Variants in NUP37 observed in about 807,000 individuals in gnomAD.
NUP37 encodes the protein nucleoporin Nup37.
Under a neutral mutation model 45.4 loss-of-function variants are expected in NUP37, and 33 were observed. That is an observed-to-expected ratio of 0.73 (90% CI 0.55 to 0.97). The LOEUF is 0.97. NUP37 is among the 50% of genes least tolerant of loss of function. NUP37 has a pLI of 0.00. For synonymous variants in NUP37, 127 were observed against 130.7 expected, an observed-to-expected ratio of 0.97 and a Z score of 0.19; for missense variants, 365 against 389.7, an observed-to-expected ratio of 0.94 and a Z score of 0.53.
Position 102,100,934 on chromosome 12 carries a change from T to C in NUP37, c.354+98A>G, listed in dbSNP as rs933885131. 1.3e-5 allele frequency: 9 copies of C among 693,838 alleles called. No individual in the cohort carries two copies. The African/African-American group carries it at 1.7e-4, about 13-fold the overall frequency. 43.0% of individuals were successfully genotyped at this position (693,838 alleles called of 1,614,324 possible). A position where few individuals can be genotyped will look rare whatever the true frequency, so the allele number is the denominator to read the frequency against. Reference sequence around the variant, plus strand: ...AAATTATATACTTTAATGATGACCATAAAAAGCCATTTTAAATTGGAATAA... The same window carrying C: ...AAATTATATACTTTAATGATGACCACAAAAAGCCATTTTAAATTGGAATAA... On this transcript the variant is annotated intron_variant, in intron 4 of 9. Coordinates refer to ENST00000552283, the MANE Select transcript of NUP37 (RefSeq NM_024057.4).
At chr12:102,089,514 TCA>T (rs1313340154) in intron 5 of NUP37, among the ~76,000 whole-genome samples, 1 of 135,740 alleles carries the variant, frequency 7.4e-6, no homozygotes. Flanking sequence ...GAGACGCTCC[TCA>T]CCTCCCAGAC....
At chr12:102,087,299 T>C (rs755228051) in intron 5 of NUP37, among the ~76,000 whole-genome samples, 16 of 152,240 alleles carry the variant, frequency 1.1e-4, no homozygotes, top group Admixed American at 2.6e-4. Flanking sequence ...ACAATGCTAC[T>C]ATTCTGTGCC....
chr12:102,074,241 C>T lies in NUP37; in HGVS notation c.*113G>A. On this transcript the variant is annotated 3_prime_UTR_variant, in exon 10 of 10. Transcript: ENST00000552283. ...TTAATAAAAGCAACTGAGACATTTT[C>T]TAAAGTATACGGTATATTTGATATA... is the stretch of plus-strand genomic sequence containing the variant. 1 of 530,578 alleles carries T rather than the reference C, an allele frequency of 1.9e-6. No homozygotes were observed. The highest frequency in any genetic ancestry group is 3.5e-5 in the South Asian group (1 of 28,818). 32.9% of individuals were successfully genotyped at this position (530,578 alleles called of 1,614,324 possible).
At chr12:102,093,292 T>C (rs1289498587) in intron 5 of NUP37, among the ~76,000 whole-genome samples, 1 of 152,130 alleles carries the variant, frequency 6.6e-6, no homozygotes, top group African/African-American at 2.4e-5. Flanking sequence ...ATTTGTATGC[T>C]GTTGCTTCAT....
Position 102,085,809 on chromosome 12 carries a change from GAATGAAGAACAA to G in NUP37, c.485_496del (p.Phe162_His165del), listed in dbSNP as rs1279428171. On this transcript the variant is annotated inframe_deletion, in exon 6 of 10. Transcript: ENST00000552283. ...ATGCCAGCACACACTCATGCCAGGA[GAATGAAGAACAA>G]AATGAGCTGTTTGCACTCCTTCCAA... 2 of 1,602,368 alleles carry G rather than the reference GAATGAAGAACAA, an allele frequency of 1.2e-6. No individual in the cohort carries two copies. Among genetic ancestry groups the G allele is most frequent in the Non-Finnish European group, 1.7e-6 (2 of 1,170,724 alleles).
At chr12:102,109,834 A>C (rs558374709) in intron 3 of NUP37, among the ~76,000 whole-genome samples, 5 of 152,352 alleles carry the variant, frequency 3.3e-5, no homozygotes, top group African/African-American at 1.2e-4. Flanking sequence ...ATGTAGATTA[A>C]AGAGGTATCA....
At chr12:102,095,189 AAAT>A (rs1304492719) in intron 5 of NUP37, among the ~76,000 whole-genome samples, 2 of 152,102 alleles carry the variant, frequency 1.3e-5, no homozygotes, top group East Asian at 1.9e-4. Flanking sequence ...GAGTTTTAAA[AAAT>A]AATAAGCTTA....
At chr12:102,092,429 G>C (rs1879682239) in intron 5 of NUP37, among the ~76,000 whole-genome samples, 1 of 152,132 alleles carries the variant, frequency 6.6e-6, no homozygotes, top group Non-Finnish European at 1.5e-5. Flanking sequence ...CAATGTCACT[G>C]GTACAGGAAA....
intron 5 of NUP37, among the ~76,000 whole-genome samples, chr12:102,091,171 C>T (rs954863587): frequency 3.3e-5 from 5 of 151,698 alleles, no homozygotes; most frequent in African/African-American, 7.3e-5. Flanking sequence ...CTGAGGCAGG[C>T]GGATCACCTG....
chr12:102,101,907 T>G (rs1310304240), intron 3 of NUP37, among the ~76,000 whole-genome samples: 1 of 152,042 alleles, frequency 6.6e-6, no homozygotes, highest in Non-Finnish European at 1.5e-5. Context: ...GTATTTTTAG[T>G]AGAGACAGGG....
intron 5 of NUP37, among the ~76,000 whole-genome samples, chr12:102,089,679 G>A (rs1421553399): frequency 2.1e-5 from 3 of 145,464 alleles, no homozygotes; most frequent in East Asian, 2.1e-4. Flanking sequence ...CTTCCCAGAC[G>A]GGGCAGCCGG....
intron 2 of NUP37, among the ~76,000 whole-genome samples, chr12:102,113,634 C>T (rs373469689): frequency 8.5e-5 from 13 of 152,060 alleles, no homozygotes; most frequent in South Asian, 2.1e-4. Context: ...CAAATTTTCG[C>T]GACAAATTTG....
Position 102,118,564 on chromosome 12 carries a change from T to A in NUP37, c.-46A>T. The A allele has an allele frequency of 6.4e-7, 1 of 1,573,964 alleles. No homozygotes were observed. The highest frequency in any genetic ancestry group is 8.6e-7 in the Non-Finnish European group (1 of 1,156,560). On this transcript the variant is annotated 5_prime_UTR_variant, in exon 2 of 10. Coordinates refer to ENST00000552283, the MANE Select transcript of NUP37 (RefSeq NM_024057.4). ...CAGTTGTGAAAATTAAATAGCCTTC[T>A]ACTGGACAAGGTCACGAAACTGTGG...
intron 5 of NUP37, 30 bp from the exon 6 acceptor site, chr12:102,085,886 T>C: frequency 9.3e-7 from 1 of 1,073,946 alleles, no homozygotes; most frequent in Non-Finnish European, 1.4e-6. Flanking sequence ...ATAATGTTAA[T>C]TGTTCTTGAT....
rs1233723099 is a variant in NUP37 at position 102,077,931 on chromosome 12, T to C, written c.541-428A>G. Among the ~76,000 whole-genome samples the C allele has an allele frequency of 2.6e-5, 4 of 152,098 alleles. No homozygotes were observed. In the East Asian group the frequency reaches 7.7e-4, roughly 29 times the overall value. On this transcript the variant is annotated intron_variant, in intron 6 of 9. Transcript: ENST00000552283. Reference sequence around the variant, plus strand: ...TAGTTCCAAGAATGTCAGATAAGGATCCTCAACCTATATTACAAATGGAAG... The same window carrying C: ...TAGTTCCAAGAATGTCAGATAAGGACCCTCAACCTATATTACAAATGGAAG...
chr12:102,097,032 T>G (rs1383038546), intron 5 of NUP37, among the ~76,000 whole-genome samples: 1 of 152,192 alleles, frequency 6.6e-6, no homozygotes, highest in African/African-American at 2.4e-5. Flanking sequence ...TCTGTTTCCA[T>G]AATGCCATAT....
intron 4 of NUP37, 119 bp from the exon 5 acceptor site, chr12:102,099,319 A>T: frequency 1.4e-6 from 1 of 693,520 alleles, no homozygotes; most frequent in Non-Finnish European, 2.5e-6. Context: ...TTCTATAAAT[A>T]TTTCTTAAGC....
chr12:102,115,857 T>C (rs1364650368), intron 2 of NUP37: 4 of 963,540 alleles, frequency 4.2e-6, no homozygotes, highest in Non-Finnish European at 4.9e-6. Flanking sequence ...CAATGGAACT[T>C]GAAGGTTCTA....
intron 5 of NUP37, among the ~76,000 whole-genome samples, chr12:102,087,590 T>G (rs544081082): frequency 2.6e-5 from 4 of 152,226 alleles, no homozygotes; most frequent in Non-Finnish European, 4.4e-5. Flanking sequence ...AGATTATTAA[T>G]TATGGCAACT....
Sources: allele counts gnomAD v4.1 joint callset (sites outside exome capture counted in the v4.1 genomes callset), GRCh38; gene constraint gnomAD v4.1.1; transcripts MANE v1.5; gene names NCBI Gene and HGNC (gene_info 2026-07-23, HGNC 2026-07-21).